Variants in ST8SIA6 observed in about 807,000 individuals in gnomAD.
ST8SIA6 encodes the protein alpha-2,8-sialyltransferase 8F.
In ST8SIA6, 39 loss-of-function variants were observed where a neutral mutation model predicts 33.6. That is an observed-to-expected ratio of 1.16 (90% confidence interval 0.90 to 1.52). The LOEUF (loss-of-function observed/expected upper bound fraction) is 1.52. Ranked by LOEUF, ST8SIA6 falls within the 40% of genes most tolerant of loss-of-function variation. ST8SIA6 has a pLI of 0.00. For synonymous variants in ST8SIA6, 172 were observed against 167.2 expected, an observed-to-expected ratio of 1.03 and a Z score of -0.22; for missense variants, 441 against 443.8, an observed-to-expected ratio of 0.99 and a Z score of 0.06.
intron 2 of ST8SIA6, among the ~76,000 whole-genome samples, chr10:17,441,740 T>C (rs1005470222): frequency 1.4e-4 from 22 of 152,176 alleles, no homozygotes; most frequent in African/African-American, 5.3e-4. Context: ...TAAGTTTCAT[T>C]TGAAAGAATC....
intron 6 of ST8SIA6, 74 bp from the exon 7 acceptor site, chr10:17,323,231 A>G (rs7071297): frequency 0.024 from 5,525 of 228,170 alleles, 53 homozygotes; most frequent in Middle Eastern, 0.036. Context: ...ATATGCGCGC[A>G]CACACACACA....
chr10:17,376,104 A>G (rs1202332431), intron 3 of ST8SIA6, among the ~76,000 whole-genome samples: 1 of 152,128 alleles, frequency 6.6e-6, no homozygotes, highest in Non-Finnish European at 1.5e-5. Context: ...AAAACCCCCA[A>G]CATGTCTCTA....
chr10:17,346,173 T>C (rs1041018515), intron 4 of ST8SIA6, among the ~76,000 whole-genome samples: 21 of 152,206 alleles, frequency 1.4e-4, no homozygotes, highest in African/African-American at 5.1e-4. Context: ...GAAGATCCTT[T>C]AGGTGGCAGC....
chr10:17,453,558 C>T lies in ST8SIA6; in HGVS notation c.200+1G>A. 1 of 1,324,408 alleles carries T rather than the reference C, an allele frequency of 7.6e-7. No homozygotes were observed. The highest frequency in any genetic ancestry group is 9.7e-7 in the Non-Finnish European group (1 of 1,029,418). 82.0% of individuals were successfully genotyped at this position (1,324,408 alleles called of 1,614,324 possible). On this transcript the variant is annotated splice_donor_variant, in intron 2 of 7. Transcript: ENST00000377602. LOFTEE classifies it high-confidence loss of function. ...TCCGCCCGCGCTGGGCGCCGCTGTA[C>T]CTGTTAGTGGCGCGCGGTACCGCGG... is the stretch of plus-strand genomic sequence containing the variant.
At chr10:17,442,837 G>A (rs1402005246) in intron 2 of ST8SIA6, among the ~76,000 whole-genome samples, 2 of 152,034 alleles carry the variant, frequency 1.3e-5, no homozygotes, top group Non-Finnish European at 2.9e-5. Flanking sequence ...ATTTTGTCAC[G>A]TAAATCTCAC....
intron 3 of ST8SIA6, among the ~76,000 whole-genome samples, chr10:17,371,620 A>T (rs151241262): frequency 6.6e-6 from 1 of 151,992 alleles, no homozygotes; most frequent in African/African-American, 2.4e-5. Context: ...CCCCTTCTCG[A>T]CTAAAAATAC....
chr10:17,322,571 T>C (rs1847994343), intron 7 of ST8SIA6, among the ~76,000 whole-genome samples: 1 of 152,188 alleles, frequency 6.6e-6, no homozygotes, highest in Non-Finnish European at 1.5e-5. Context: ...AGTAAAAACT[T>C]TGTATAAGAT....
chr10:17,418,044 A>G (rs897350677), intron 2 of ST8SIA6, among the ~76,000 whole-genome samples: 11 of 152,124 alleles, frequency 7.2e-5, no homozygotes, highest in African/African-American at 2.7e-4. Flanking sequence ...ATAACTGAGA[A>G]GAGTAAATGG....
chr10:17,337,565 C>T (rs188347619), intron 4 of ST8SIA6, among the ~76,000 whole-genome samples: 5 of 152,266 alleles, frequency 3.3e-5, no homozygotes, highest in Admixed American at 2.0e-4. Context: ...TGTGCGGTGG[C>T]GGAGTGATAA....
chr10:17,372,122 G>A (rs1375311943), intron 3 of ST8SIA6, among the ~76,000 whole-genome samples: 1 of 152,154 alleles, frequency 6.6e-6, no homozygotes, highest in Non-Finnish European at 1.5e-5. Context: ...AAAGCTTTCA[G>A]ACATCAATTT....
At chr10:17,334,476 T>C (rs1307975361) in intron 4 of ST8SIA6, among the ~76,000 whole-genome samples, 1 of 151,258 alleles carries the variant, frequency 6.6e-6, no homozygotes. Flanking sequence ...AAAGAGGAGC[T>C]TGCAGTGAGC....
chr10:17,379,134 AAAC>A (rs1219162943), intron 3 of ST8SIA6, among the ~76,000 whole-genome samples: 2 of 119,240 alleles, frequency 1.7e-5, no homozygotes, highest in South Asian at 2.8e-4. Context: ...CTCAAAAAAA[AAAC>A]AAAAACAAAA....
rs1847846932 is a variant in ST8SIA6, at chr10:17,318,638, A to T, written c.*2240T>A. 2.1e-5 allele frequency: 10 copies of T among 468,806 alleles called. No individual in the cohort carries two copies. The highest frequency in any genetic ancestry group is 1.2e-4 in the South Asian group (8 of 64,074). 29.0% of individuals were successfully genotyped at this position (468,806 alleles called of 1,614,324 possible). ...TAACAATATTTAAGCAATGCTGATT[A>T]CATACAGATTTCTTGGGAGTGTCAC... On this transcript the variant is annotated 3_prime_UTR_variant, in exon 8 of 8. Transcript: ENST00000377602.
chr10:17,429,789 T>C (rs1852048764), intron 2 of ST8SIA6, among the ~76,000 whole-genome samples: 2 of 152,334 alleles, frequency 1.3e-5, no homozygotes, highest in South Asian at 4.1e-4. Flanking sequence ...CTGGCCTTAC[T>C]TTTTCAACTT....
intron 3 of ST8SIA6, among the ~76,000 whole-genome samples, chr10:17,371,324 G>A (rs560477240): frequency 2.0e-5 from 3 of 152,172 alleles, no homozygotes; most frequent in Non-Finnish European, 2.9e-5. Flanking sequence ...TCTGCAAAGA[G>A]GTTCAGGTGG....
intron 3 of ST8SIA6, among the ~76,000 whole-genome samples, chr10:17,375,421 T>C (rs1481489233): frequency 6.6e-6 from 1 of 152,180 alleles, no homozygotes; most frequent in Non-Finnish European, 1.5e-5. Flanking sequence ...GGTCATGTTG[T>C]TCTCTCCAGG....
chr10:17,383,061 T>C (rs1168005212), intron 3 of ST8SIA6, among the ~76,000 whole-genome samples: 1 of 152,224 alleles, frequency 6.6e-6, no homozygotes, highest in Non-Finnish European at 1.5e-5. Flanking sequence ...GGCTTCATGC[T>C]GTTTTTATTA....
intron 2 of ST8SIA6, among the ~76,000 whole-genome samples, chr10:17,431,388 G>A (rs571474544): frequency 6.6e-6 from 1 of 152,130 alleles, no homozygotes; most frequent in Non-Finnish European, 1.5e-5. Flanking sequence ...TCATTTCAAA[G>A]TGTGACCGGA....
At chr10:17,379,709 T>C (rs1160618889) in intron 3 of ST8SIA6, among the ~76,000 whole-genome samples, 1 of 152,150 alleles carries the variant, frequency 6.6e-6, no homozygotes, top group African/African-American at 2.4e-5. Context: ...ATGTACTTCT[T>C]ATATTGATTG....
Sources: gnomAD v4.1 joint callset for allele counts (sites outside exome capture counted in the v4.1 genomes callset) on GRCh38, gnomAD v4.1.1 for gene constraint, MANE v1.5 for transcripts, NCBI Gene and HGNC (gene_info 2026-07-23, HGNC 2026-07-21) for gene names.